Variants in NTRK3 observed in about 807,000 individuals in gnomAD.
NTRK3 encodes the protein NT-3 growth factor receptor.
NTRK3 carries 24 observed loss-of-function variants against 91.7 expected under a neutral mutation model. That is an observed-to-expected ratio of 0.26 (90% confidence interval 0.19 to 0.37). NTRK3 has a LOEUF of 0.37. Ranked by LOEUF, NTRK3 falls within the 10% of genes least tolerant of loss-of-function variation. The pLI is 1.00. For synonymous variants in NTRK3, 483 were observed against 404.0 expected, an observed-to-expected ratio of 1.20 and a Z score of -2.34; for missense variants, 880 against 1,068.9, an observed-to-expected ratio of 0.82 and a Z score of 2.46.
intron 17 of NTRK3, among the ~76,000 whole-genome samples, chr15:87,892,083 AACACAC>A (rs58946187): frequency 2.5e-4 from 35 of 141,430 alleles, no homozygotes; most frequent in African/African-American, 3.3e-4. Flanking sequence ...CCCCATCCCC[AACACAC>A]ACACACACAC....
exon 15 of NTRK3, chr15:87,940,667 A>G (rs2142018210): frequency 1.2e-6 from 2 of 1,614,054 alleles, no homozygotes; most frequent in Middle Eastern, 1.7e-4. Flanking sequence ...CTGAGGTTGT[A>G]GCACTCGGCC....
At chr15:87,982,824 T>G (rs2074407323) in intron 14 of NTRK3, among the ~76,000 whole-genome samples, 1 of 152,262 alleles carries the variant, frequency 6.6e-6, no homozygotes, top group Non-Finnish European at 1.5e-5. Flanking sequence ...CTGAGATTCT[T>G]GCAGATTCTA....
chr15:88,049,113 C>T (rs2080547666), intron 13 of NTRK3, among the ~76,000 whole-genome samples: 1 of 152,130 alleles, frequency 6.6e-6, no homozygotes, highest in Non-Finnish European at 1.5e-5. Context: ...CAGAAGCAAC[C>T]CTGGAGCTGA....
chr15:88,140,215 T>C (rs1051464254), intron 6 of NTRK3, among the ~76,000 whole-genome samples: 4 of 152,142 alleles, frequency 2.6e-5, no homozygotes, highest in African/African-American at 4.8e-5. Context: ...AACAATAGTG[T>C]ATAGGATAAG....
At chr15:88,102,136 A>C (rs1192887175) in intron 13 of NTRK3, among the ~76,000 whole-genome samples, 1 of 152,216 alleles carries the variant, frequency 6.6e-6, no homozygotes, top group African/African-American at 2.4e-5. Flanking sequence ...CCCCTGCTTC[A>C]GGCCAGCATC....
intron 16 of NTRK3, 27 bp downstream of exon 16, chr15:87,932,985 G>T: frequency 6.2e-7 from 1 of 1,613,226 alleles, no homozygotes; most frequent in Non-Finnish European, 8.5e-7. Context: ...CTGGGGTCAG[G>T]TGCAGGGGAA....
chr15:87,966,375 T>G (rs2072796483), intron 14 of NTRK3, among the ~76,000 whole-genome samples: 1 of 152,174 alleles, frequency 6.6e-6, no homozygotes, highest in African/African-American at 2.4e-5. Context: ...CCAGGTGACT[T>G]CCGGTGTCTC....
Position 88,037,288 on chromosome 15 carries a change from G to A in NTRK3, c.1397-4243C>T, listed in dbSNP as rs376929303. On this transcript the variant is annotated intron_variant, in intron 13 of 18. Transcript: ENST00000394480. Reference sequence around the variant, plus strand: ...TAGAATTCAAAGGAGGAGGCCAGGCGCAGTGGTTTATGCTTGTAATCCCAG... The same window carrying A: ...TAGAATTCAAAGGAGGAGGCCAGGCACAGTGGTTTATGCTTGTAATCCCAG... 6.6e-5 allele frequency among the ~76,000 whole-genome samples: 10 copies of A among 152,316 alleles called. No individual in the cohort carries two copies. The East Asian group carries it at 1.4e-3, about 21-fold the overall frequency.
chr15:88,096,794 CT>C (rs1266678692), intron 13 of NTRK3, among the ~76,000 whole-genome samples: 1 of 152,190 alleles, frequency 6.6e-6, no homozygotes, highest in East Asian at 1.9e-4. Context: ...CAGTTACCCA[CT>C]GCAGCAATCC....
At chr15:87,955,992 T>C (rs564179008) in intron 14 of NTRK3, among the ~76,000 whole-genome samples, 71 of 152,060 alleles carry the variant, frequency 4.7e-4, no homozygotes, top group Middle Eastern at 3.4e-3. Context: ...CCCAGGAAAT[T>C]TGAATACATT....
At chr15:88,228,055 A>C (rs1329063139) in intron 3 of NTRK3, among the ~76,000 whole-genome samples, 2 of 152,168 alleles carry the variant, frequency 1.3e-5, no homozygotes, top group Non-Finnish European at 2.9e-5. Flanking sequence ...CTGCTGGCAG[A>C]CATCTGCCTC....
chr15:88,133,885 G>T lies in NTRK3; in HGVS notation c.1204+1216C>A, dbSNP rs905230437. 3.3e-5 allele frequency among the ~76,000 whole-genome samples: 5 copies of T among 152,262 alleles called. No individual in the cohort carries two copies. In the East Asian group the frequency reaches 9.7e-4, roughly 29 times the overall value. On this transcript the variant is annotated intron_variant, in intron 10 of 18. Coordinates refer to ENST00000394480, the Ensembl canonical transcript of NTRK3. ...CTCCATCATCCCTGGGACCTCAACGGCAAGAATTTAGCTTAATGCAGCCAC... is the reference window on the plus strand; with the variant it reads ...CTCCATCATCCCTGGGACCTCAACGTCAAGAATTTAGCTTAATGCAGCCAC...
chr15:88,175,793 A>G (rs1033665974), intron 5 of NTRK3, among the ~76,000 whole-genome samples: 6 of 152,228 alleles, frequency 3.9e-5, no homozygotes, highest in African/African-American at 1.2e-4. Context: ...TAAGGCATAG[A>G]TATGTTAAGT....
chr15:88,178,333 T>C (rs920157440), intron 5 of NTRK3, among the ~76,000 whole-genome samples: 1 of 152,200 alleles, frequency 6.6e-6, no homozygotes, highest in Non-Finnish European at 1.5e-5. Flanking sequence ...ACCTCAATAA[T>C]CTCAAGAGAA....
chr15:87,876,716 A>AATAT (rs147238996), exon 19 of NTRK3: 366 of 193,272 alleles, frequency 1.9e-3, no homozygotes, highest in South Asian at 2.7e-3. Context: ...TAGATATATA[A>AATAT]ATATATATAT....
intron 13 of NTRK3, among the ~76,000 whole-genome samples, chr15:88,042,569 TCGAATTCCCTCC>T (rs1324315987): frequency 2.0e-5 from 3 of 152,208 alleles, no homozygotes; most frequent in Non-Finnish European, 4.4e-5. Context: ...ATTCTCTGGC[TCGAATTCCCTCC>T]CAGCCTCTTA....
chr15:88,215,526 C>A (rs1226622202), intron 3 of NTRK3, among the ~76,000 whole-genome samples: 1 of 152,244 alleles, frequency 6.6e-6, no homozygotes, highest in Non-Finnish European at 1.5e-5. Flanking sequence ...AGAGAGAAAT[C>A]AAAAGCATCA....
At chr15:88,221,379 AC>A (rs1043746428) in intron 3 of NTRK3, among the ~76,000 whole-genome samples, 1 of 152,248 alleles carries the variant, frequency 6.6e-6, no homozygotes, top group African/African-American at 2.4e-5. Context: ...TAAGAAAAAA[AC>A]ATCAATAAAG....
chr15:87,944,493 A>G (rs910576233), intron 14 of NTRK3, among the ~76,000 whole-genome samples: 1 of 152,250 alleles, frequency 6.6e-6, no homozygotes, highest in African/African-American at 2.4e-5. Flanking sequence ...GTGAGAAAAC[A>G]GAGGCAGGGG....
Sources: gnomAD v4.1 joint callset for allele counts (sites outside exome capture counted in the v4.1 genomes callset) on GRCh38, gnomAD v4.1.1 for gene constraint, MANE v1.5 for transcripts, NCBI Gene and HGNC (gene_info 2026-07-23, HGNC 2026-07-21) for gene names.